Variants in PLD5 observed in about 807,000 individuals in gnomAD.
PLD5 encodes the protein inactive phospholipase D5.
Under a neutral mutation model 61.1 loss-of-function variants are expected in PLD5, and 36 were observed. That is an observed-to-expected ratio of 0.59 (90% CI 0.45 to 0.78). PLD5 has a LOEUF of 0.78. PLD5 is among the 30% of genes least tolerant of loss of function. PLD5 has a pLI of 0.00. For synonymous variants in PLD5, 243 were observed against 242.8 expected (o/e 1.00, Z -0.01); for missense variants, 515 against 644.4 (o/e 0.80, Z 2.17).
chr1:242,184,639 G>A (rs1346051265), intron 5 of PLD5, among the ~76,000 whole-genome samples: 2 of 152,168 alleles, frequency 1.3e-5, no homozygotes, highest in African/African-American at 2.4e-5. Flanking sequence ...AAAGTGCTGG[G>A]ATTACAATGT....
chr1:242,367,775 G>C (rs544067396), intron 1 of PLD5, among the ~76,000 whole-genome samples: 1 of 152,248 alleles, frequency 6.6e-6, no homozygotes, highest in East Asian at 1.9e-4. Flanking sequence ...GCCAACAGAG[G>C]ACACAGGTGA....
chr1:242,207,374 G>GA (rs1206229349), intron 5 of PLD5, among the ~76,000 whole-genome samples: 1 of 152,072 alleles, frequency 6.6e-6, no homozygotes. Context: ...TCTGATTACA[G>GA]GTCTTCGGTA....
chr1:242,330,604 G>A (rs1364965703), intron 2 of PLD5, among the ~76,000 whole-genome samples: 1 of 151,970 alleles, frequency 6.6e-6, no homozygotes, highest in African/African-American at 2.4e-5. Flanking sequence ...ATTCCTCTTT[G>A]TATCTCTAGC....
In PLD5 at chr1:242,348,225, G is replaced by A. The variant is rs866648152; in HGVS notation, c.207C>T (p.Ile69=). ...AGCAGCACACCAGGGCAAAGATCAC[G>A]ATGCACTTCTGCTGGGACTGAAAGA... ...DKLEHSQQKC[I]VIFALVCCFA... Residue 69 remains isoleucine, a synonymous_variant, in exon 2 of 10, where the codon ATC becomes ATT. Transcript: ENST00000536534. 1.9e-6 allele frequency: 3 copies of A among 1,608,110 alleles called. No homozygotes were observed. The highest frequency in any genetic ancestry group is 1.7e-6 in the Non-Finnish European group (2 of 1,178,866).
chr1:242,446,163 C>T (rs1666528031), intron 1 of PLD5, among the ~76,000 whole-genome samples: 1 of 151,966 alleles, frequency 6.6e-6, no homozygotes, highest in Admixed American at 6.5e-5. Flanking sequence ...CCCTCCCTGA[C>T]TTCACCACTA....
chr1:242,121,591 G>A (rs1489122749), intron 6 of PLD5, among the ~76,000 whole-genome samples: 1 of 152,132 alleles, frequency 6.6e-6, no homozygotes, highest in Non-Finnish European at 1.5e-5. Flanking sequence ...CCATTGCTGG[G>A]TATATACCCA....
At position 242,524,137 on chromosome 1, in the gene PLD5, T is replaced by C. The variant is rs1050395108; in HGVS notation, c.140A>G (p.Gln47Arg). 4.9e-5 allele frequency: 75 copies of C among 1,535,524 alleles called. No homozygotes were observed. In the Admixed American group the frequency reaches 1.4e-3, roughly 29 times the overall value. Residue 47 changes from glutamine (Q) to arginine (R), a missense_variant, in exon 1 of 10, where the codon CAG (glutamine) becomes CGG (arginine). Physicochemically the swap from Gln to Arg is conservative, Grantham distance 43. Around this residue, in one of 2 missense-constraint regions of PLD5, gnomAD observed 450 missense variants for 598.1 expected, o/e 0.75. Transcript: ENST00000536534. ...AAGCCAGACGCTGGCGCTGTAGTCC[T>C]GCTGCTTGACGCTGCTGTAGAAGTT... ...GANFYSSVKQ[Q>R]DYSASVWLRR... is the part of the protein sequence containing the mutation.
chr1:242,329,275 G>T (rs182373570), intron 2 of PLD5, among the ~76,000 whole-genome samples: 40 of 152,260 alleles, frequency 2.6e-4, no homozygotes, highest in African/African-American at 8.9e-4. Flanking sequence ...CTCCCAAAGT[G>T]CTGGGATTAT....
At chr1:242,517,315 G>A (rs1384778449) in intron 1 of PLD5, among the ~76,000 whole-genome samples, 1 of 152,120 alleles carries the variant, frequency 6.6e-6, no homozygotes, top group Non-Finnish European at 1.5e-5. Flanking sequence ...CATTAACTGT[G>A]ATTCTTTTTA....
At chr1:242,275,225 T>A (rs185808297) in intron 3 of PLD5, among the ~76,000 whole-genome samples, 66 of 152,202 alleles carry the variant, frequency 4.3e-4, no homozygotes, top group Middle Eastern at 3.4e-3. Flanking sequence ...ATTTTTTTTT[T>A]AATTTATGAC....
intron 2 of PLD5, among the ~76,000 whole-genome samples, chr1:242,334,289 C>T (rs551236567): frequency 7.9e-5 from 12 of 152,102 alleles, no homozygotes; most frequent in Non-Finnish European, 1.6e-4. Context: ...TTCATCTACT[C>T]TCATAAAACC....
At chr1:242,480,847 T>C (rs1181413829) in intron 1 of PLD5, among the ~76,000 whole-genome samples, 6 of 152,304 alleles carry the variant, frequency 3.9e-5, no homozygotes, top group East Asian at 1.9e-4. Context: ...AGGCTCTACA[T>C]AGCATGTGTT....
At chr1:242,488,038 A>G (rs1214808083) in intron 1 of PLD5, among the ~76,000 whole-genome samples, 1 of 152,192 alleles carries the variant, frequency 6.6e-6, no homozygotes, top group East Asian at 1.9e-4. Context: ...CATACCTATT[A>G]GAAAGGCGGA....
intron 4 of PLD5, among the ~76,000 whole-genome samples, chr1:242,245,346 T>C (rs1209158589): frequency 2.0e-5 from 3 of 152,218 alleles, no homozygotes; most frequent in Admixed American, 1.3e-4. Context: ...CACAGAAGCA[T>C]AGACTTCATT....
intron 9 of PLD5, among the ~76,000 whole-genome samples, chr1:242,097,513 T>G (rs1660341123): frequency 6.6e-6 from 1 of 152,248 alleles, no homozygotes; most frequent in Non-Finnish European, 1.5e-5. Context: ...AGGATGAGCA[T>G]TTTTTCATGT....
At chr1:242,143,068 C>T (rs182202897) in intron 5 of PLD5, among the ~76,000 whole-genome samples, 2 of 150,432 alleles carry the variant, frequency 1.3e-5, no homozygotes, top group African/African-American at 4.9e-5. Context: ...CCCTTGGTTG[C>T]CCAGGCTGGA....
chr1:242,438,058 T>C (rs1666085810), intron 1 of PLD5, among the ~76,000 whole-genome samples: 1 of 152,172 alleles, frequency 6.6e-6, no homozygotes, highest in Non-Finnish European at 1.5e-5. Context: ...ATTTATTCCA[T>C]TGGTTGCAAA....
intron 2 of PLD5, among the ~76,000 whole-genome samples, chr1:242,341,259 C>T (rs925757303): frequency 2.7e-5 from 4 of 150,860 alleles, no homozygotes; most frequent in Non-Finnish European, 5.9e-5. Context: ...GTTAAGACCA[C>T]TCTAAGGTCA....
intron 9 of PLD5, among the ~76,000 whole-genome samples, chr1:242,097,593 GGTT>G (rs1423697694): frequency 6.6e-6 from 1 of 152,076 alleles, no homozygotes; most frequent in Non-Finnish European, 1.5e-5. Flanking sequence ...TTGTTGATGG[GGTT>G]GTTTTTTTCT....
Sources: gnomAD v4.1 joint callset for allele counts (sites outside exome capture counted in the v4.1 genomes callset) on GRCh38, gnomAD v4.1.1 for gene constraint, gnomAD v4.1.1 regional missense constraint, MANE v1.5 for transcripts, NCBI Gene and HGNC (gene_info 2026-07-23, HGNC 2026-07-21) for gene names.